TRIO: variants seen among roughly 807,000 people sequenced by gnomAD.
TRIO encodes triple functional domain protein.
TRIO carries 58 observed loss-of-function variants against 351.9 expected under a neutral mutation model. The observed-to-expected ratio is 0.16, with a 90% CI of 0.13 to 0.21. The LOEUF (loss-of-function observed/expected upper bound fraction) is 0.21, where lower values mean the gene tolerates loss of function less well. Ranked by LOEUF, TRIO falls within the 10% of genes least tolerant of loss-of-function variation. The pLI is 1.00. For synonymous variants in TRIO, 1,758 were observed against 1,595.7 expected (o/e 1.10, Z -2.42); for missense variants, 3,201 against 4,027.8 (o/e 0.79, Z 5.56).
intron 1 of TRIO, among the ~76,000 whole-genome samples, chr5:14,145,498 C>T (rs116011005): frequency 0.29 from 43,911 of 151,034 alleles, 6,672 homozygotes; most frequent in East Asian, 0.48. Context: ...AGCTACCCCC[C>T]CCCACCTTTT....
chr5:14,178,771 A>G (rs1033517624), intron 1 of TRIO, among the ~76,000 whole-genome samples: 4 of 152,218 alleles, frequency 2.6e-5, no homozygotes, highest in African/African-American at 9.6e-5. Context: ...TCCAGGATAC[A>G]TAAAGGCATG....
At chr5:14,247,863 C>A (rs958717857) in intron 1 of TRIO, among the ~76,000 whole-genome samples, 7 of 152,044 alleles carry the variant, frequency 4.6e-5, no homozygotes, top group African/African-American at 1.7e-4. Flanking sequence ...GTCAGGAGTT[C>A]AAGACCAGCC....
chr5:14,481,745 C>A, intron 45 of TRIO, 127 bp downstream of exon 45: 1 of 712,914 alleles, frequency 1.4e-6, no homozygotes, highest in Non-Finnish European at 2.2e-6. Flanking sequence ...TCTCACTTTA[C>A]CTCAATCTGA....
intron 34 of TRIO, among the ~76,000 whole-genome samples, chr5:14,425,444 A>G (rs1047843591): frequency 2.6e-5 from 4 of 152,214 alleles, no homozygotes; most frequent in African/African-American, 7.2e-5. Flanking sequence ...ATTGAGTTCA[A>G]CATTCATCTG....
chr5:14,373,928 C>T (rs1195395063), intron 18 of TRIO, among the ~76,000 whole-genome samples: 1 of 152,230 alleles, frequency 6.6e-6, no homozygotes, highest in Admixed American at 6.5e-5. Context: ...CCTCTCTAGA[C>T]TGGACGGAGA....
rs114508823 is a variant in TRIO, at chr5:14,251,712, C to T, written c.158-19113C>T. On this transcript the variant is annotated intron_variant, in intron 1 of 56. Coordinates refer to ENST00000344204, the MANE Select transcript of TRIO (RefSeq NM_007118.4). ...CACCCTTGCTCACCTCGAAGCTACC[C>T]TGGGAGGTGGGAACAATTGGGGCCT... 5.2e-3 allele frequency among the ~76,000 whole-genome samples: 787 copies of T among 152,294 alleles called. 10 individuals carry two copies. The highest frequency in any genetic ancestry group is 0.018 in the African/African-American group (759 of 41,570).
intron 49 of TRIO, among the ~76,000 whole-genome samples, chr5:14,494,750 T>C (rs954422379): frequency 1.7e-4 from 26 of 152,110 alleles, no homozygotes; most frequent in African/African-American, 6.3e-4. Context: ...AATACAAAAA[T>C]TCGCTGGGCA....
chr5:14,196,924 A>T (rs1366985173), intron 1 of TRIO, among the ~76,000 whole-genome samples: 1 of 152,220 alleles, frequency 6.6e-6, no homozygotes, highest in Non-Finnish European at 1.5e-5. Flanking sequence ...GCCATGCTGG[A>T]TGATTAACAA....
rs777019252 is a variant in TRIO at position 14,330,843 on chromosome 5, T to C, written c.1797T>C (p.Ser599=). 9 of 1,614,022 alleles carry C rather than the reference T, an allele frequency of 5.6e-6. No homozygotes were observed. The South Asian group carries it at 8.8e-5, about 16-fold the overall frequency. The part of the protein sequence containing the change: ...FLSKHTGVGK[S]LHRARALQKR... ...GCAAACATACAGGTGTGGGGAAATCTCTTCATCGGGCCAGAGCATTGCAGA... is the reference window on the plus strand; with the variant it reads ...GCAAACATACAGGTGTGGGGAAATCCCTTCATCGGGCCAGAGCATTGCAGA... The change falls in exon 10 of 57, where the codon TCT becomes TCC. Residue 599 remains serine, a synonymous_variant. Coordinates refer to ENST00000344204, the MANE Select transcript of TRIO (RefSeq NM_007118.4).
At chr5:14,435,806 T>A (rs1468991856) in intron 34 of TRIO, among the ~76,000 whole-genome samples, 1 of 152,224 alleles carries the variant, frequency 6.6e-6, no homozygotes, top group East Asian at 1.9e-4. Flanking sequence ...TCCCAACTTG[T>A]TTTAGAGCAC....
In TRIO at chr5:14,191,743, T is replaced by G. The variant is rs185624971; in HGVS notation, c.157+47861T>G. Among the ~76,000 whole-genome samples, 251 of 152,300 alleles carry G rather than the reference T, an allele frequency of 1.6e-3. 1 individual carries two copies. The highest frequency in any genetic ancestry group is 5.8e-3 in the African/African-American group (241 of 41,558). On this transcript the variant is annotated intron_variant, in intron 1 of 56. Transcript: ENST00000344204. Reference sequence around the variant, plus strand: ...TGACAGTAATCAGAACTTAGAGAAGTAAGCCACAGCCAGTCAGGAAAATCG... The same window carrying G: ...TGACAGTAATCAGAACTTAGAGAAGGAAGCCACAGCCAGTCAGGAAAATCG...
rs189200907 is a variant in TRIO at position 14,248,800 on chromosome 5, G to C, written c.158-22025G>C. On this transcript the variant is annotated intron_variant, in intron 1 of 56. Coordinates refer to ENST00000344204, the MANE Select transcript of TRIO (RefSeq NM_007118.4). ...ACAGACTTCTCCTGTAATCCTCAGA[G>C]CAAGCCCACCAATAAGAAATTCTGA... Among the ~76,000 whole-genome samples the C allele has an allele frequency of 7.9e-5, 12 of 152,342 alleles. No homozygotes were observed. The East Asian group carries it at 2.3e-3, about 29-fold the overall frequency.
chr5:14,354,633 A>T (rs183092507), intron 11 of TRIO, among the ~76,000 whole-genome samples: 1 of 152,316 alleles, frequency 6.6e-6, no homozygotes, highest in Non-Finnish European at 1.5e-5. Context: ...TTTTCTGAGG[A>T]CCTTTTTCAG....
chr5:14,332,770 C>T lies in TRIO; in HGVS notation c.1854+1870C>T, dbSNP rs117419091. ...TGGAAAACTTCATCTCTCGGAGCCT[C>T]GGTTTTCCTTGCTGTAAAATGATAC... On this transcript the variant is annotated intron_variant, in intron 10 of 56. Transcript: ENST00000344204. Among the ~76,000 whole-genome samples the T allele has an allele frequency of 2.2e-3, 331 of 152,284 alleles. 11 individuals carry two copies. In the East Asian group the frequency reaches 0.058, roughly 27 times the overall value.
intron 2 of TRIO, among the ~76,000 whole-genome samples, chr5:14,277,577 C>T (rs30619): frequency 0.73 from 110,705 of 152,084 alleles, 41,395 homozygotes; most frequent in East Asian, 0.98. Context: ...AACACACACA[C>T]ATGAGTGTAT....
At chr5:14,314,152 A>G (rs932157613) in intron 8 of TRIO, among the ~76,000 whole-genome samples, 1 of 152,232 alleles carries the variant, frequency 6.6e-6, no homozygotes, top group Non-Finnish European at 1.5e-5. Flanking sequence ...GTTCTAAGAG[A>G]TGCAGCACTC....
chr5:14,195,892 TG>T (rs1415733103), intron 1 of TRIO, among the ~76,000 whole-genome samples: 1 of 152,124 alleles, frequency 6.6e-6, no homozygotes, highest in Non-Finnish European at 1.5e-5. Context: ...TCTTTCAGTG[TG>T]GGGGTGGGGA....
chr5:14,360,158 C>G (rs889874828), intron 13 of TRIO, among the ~76,000 whole-genome samples: 9 of 152,186 alleles, frequency 5.9e-5, no homozygotes, highest in Non-Finnish European at 1.2e-4. Flanking sequence ...AATTTCCCCC[C>G]ACAAAGAGGT....
chr5:14,444,289 A>T (rs1752280478), intron 34 of TRIO, among the ~76,000 whole-genome samples: 1 of 152,270 alleles, frequency 6.6e-6, no homozygotes, highest in African/African-American at 2.4e-5. Flanking sequence ...AGTACATGGA[A>T]TATTCAGTTT....
Sources: allele counts gnomAD v4.1 joint callset (sites outside exome capture counted in the v4.1 genomes callset), GRCh38; gene constraint gnomAD v4.1.1; transcripts MANE v1.5; gene names NCBI Gene and HGNC (gene_info 2026-07-23, HGNC 2026-07-21).